Variants in COL5A1 observed in about 807,000 individuals in gnomAD.
COL5A1 encodes collagen type V alpha 1 chain.
Under a neutral mutation model 263.7 loss-of-function variants are expected in COL5A1, and 16 were observed. The ratio of observed to expected loss-of-function variants is 0.06; its 90% CI spans 0.04 to 0.09. The LOEUF (loss-of-function observed/expected upper bound fraction) is 0.09. COL5A1 is among the 10% of genes least tolerant of loss of function. The pLI is 1.00. For synonymous variants in COL5A1, 1,012 were observed against 1,004.5 expected (o/e 1.01, Z -0.14); for missense variants, 2,036 against 2,540.5 (o/e 0.80, Z 4.27).
At position 134,754,234 on chromosome 9, in the gene COL5A1, C is replaced by T. The variant is rs1013527785; in HGVS notation, c.1774-39C>T. The T allele has an allele frequency of 8.7e-6, 14 of 1,605,028 alleles. No individual in the cohort carries two copies. The highest frequency in any genetic ancestry group is 1.3e-5 in the African/African-American group (1 of 74,770). On this transcript the variant is annotated intron_variant, in intron 15 of 65. Transcript: ENST00000371817. This position sits in a 1 kb window ranked among gnomAD's most constrained non-coding sequence, Gnocchi z 4.3. The stretch of plus-strand genomic sequence containing the variant: ...GCTTTGCTCTTTCTCCTGAGAAAGG[C>T]GGACTCGCCACTGACCCTTTGTCTC...
intron 1 of COL5A1, among the ~76,000 whole-genome samples, chr9:134,690,118 T>TC (rs1489026653): frequency 2.6e-5 from 4 of 152,044 alleles, no homozygotes; most frequent in Admixed American, 2.6e-4. Flanking sequence ...GGTCAGCTTA[T>TC]CCCCTTGCCC....
At chr9:134,671,832 G>A (rs546881731) in intron 1 of COL5A1, among the ~76,000 whole-genome samples, 8 of 152,338 alleles carry the variant, frequency 5.3e-5, no homozygotes, top group East Asian at 3.9e-4. Flanking sequence ...TAATGAAACC[G>A]TAAAGGCAAG....
At chr9:134,767,719 A>G (rs182833107) in intron 24 of COL5A1, among the ~76,000 whole-genome samples, 4 of 152,336 alleles carry the variant, frequency 2.6e-5, no homozygotes, top group South Asian at 2.1e-4. Flanking sequence ...TAGTTTTGCT[A>G]AATTTGGCAA....
intron 4 of COL5A1, among the ~76,000 whole-genome samples, chr9:134,712,074 C>T (rs1435125692): frequency 7.4e-6 from 1 of 134,880 alleles, no homozygotes; most frequent in Non-Finnish European, 1.6e-5. Flanking sequence ...CTTCCTGTAC[C>T]CCTCCTTCCT....
At chr9:134,814,062 G>T in intron 49 of COL5A1, 26 bp downstream of exon 49, 1 of 1,549,814 alleles carries the variant, frequency 6.5e-7, no homozygotes, top group Non-Finnish European at 8.7e-7. Flanking sequence ...CTGCGGGAGG[G>T]GTGGGATATG....
chr9:134,674,152 A>G (rs961167297), intron 1 of COL5A1, among the ~76,000 whole-genome samples: 11 of 152,200 alleles, frequency 7.2e-5, no homozygotes, highest in African/African-American at 2.7e-4. Flanking sequence ...GGACAAAGTA[A>G]TTCCATGTAT....
chr9:134,670,043 CAT>C (rs1203332697), intron 1 of COL5A1, among the ~76,000 whole-genome samples: 1 of 152,228 alleles, frequency 6.6e-6, no homozygotes, highest in Non-Finnish European at 1.5e-5. Context: ...TGGTTGAACT[CAT>C]GTGCAGAAAC....
chr9:134,785,449 C>T (rs1478380275), intron 30 of COL5A1, among the ~76,000 whole-genome samples: 4 of 152,200 alleles, frequency 2.6e-5, no homozygotes, highest in African/African-American at 9.6e-5. Flanking sequence ...CCCACCATGG[C>T]CTGAAGGTGT....
rs1832724691 is a variant in COL5A1 at position 134,677,887 on chromosome 9, T to A, written c.110-13025T>A. 6.6e-6 allele frequency among the ~76,000 whole-genome samples: 1 copy of A among 152,208 alleles called. No individual in the cohort carries two copies. Among genetic ancestry groups the A allele is most frequent in the South Asian group, 2.1e-4 (1 of 4,832 alleles). ...ATGGCATGGTTCCACGGGAGGGGCA[T>A]CTTCTGCCTGGCCCTTGTTCCACCG... On this transcript the variant is annotated intron_variant, in intron 1 of 65. Transcript: ENST00000371817. This position sits in a 1 kb window ranked among gnomAD's most constrained non-coding sequence, Gnocchi z 4.4.
At chr9:134,753,790 CTTCCTGTG>C in intron 14 of COL5A1, 52 bp from the exon 15 acceptor site, 1 of 1,194,024 alleles carries the variant, frequency 8.4e-7, no homozygotes, top group Non-Finnish European at 1.2e-6. Flanking sequence ...ACCCCCAGCC[CTTCCTGTG>C]TTCTCGAGTC....
At chr9:134,774,132 T>C (rs1836966654) in intron 26 of COL5A1, among the ~76,000 whole-genome samples, 1 of 152,214 alleles carries the variant, frequency 6.6e-6, no homozygotes, top group African/African-American at 2.4e-5. Context: ...GGCATTCACT[T>C]ACTCCCTGGG....
chr9:134,689,186 C>T (rs533593247), intron 1 of COL5A1, among the ~76,000 whole-genome samples: 2 of 152,298 alleles, frequency 1.3e-5, no homozygotes, highest in South Asian at 4.1e-4. Context: ...GTGGCAGTGC[C>T]GAGGCTGCAG....
chr9:134,769,380 T>G (rs994574660), intron 25 of COL5A1, among the ~76,000 whole-genome samples: 1 of 152,242 alleles, frequency 6.6e-6, no homozygotes, highest in Non-Finnish European at 1.5e-5. Flanking sequence ...CGTGGTCACC[T>G]GGCCACATGG....
At chr9:134,648,365 C>G (rs1831547698) in intron 1 of COL5A1, among the ~76,000 whole-genome samples, 1 of 150,716 alleles carries the variant, frequency 6.6e-6, no homozygotes, top group Non-Finnish European at 1.5e-5. Flanking sequence ...CTAAGGGAAC[C>G]CTGACTAATA....
chr9:134,732,218 C>A, intron 9 of COL5A1, 91 bp downstream of exon 9: 1 of 1,369,240 alleles, frequency 7.3e-7, no homozygotes, highest in Non-Finnish European at 1.0e-6. Flanking sequence ...GGTCCGTGGG[C>A]CCCTGCACCT....
rs1285223113 is a variant in COL5A1, at chr9:134,794,966, A to G, written c.2701-116A>G. On this transcript the variant is annotated intron_variant, in intron 32 of 65. Transcript: ENST00000371817. This position sits in a 1 kb window ranked among gnomAD's most constrained non-coding sequence, Gnocchi z 4.3. ...GAAAAGGTGGGTGGCGGGGAGGCCC[A>G]GGTTCCTCCTATCCTGCTCTGAATT... 31 of 1,152,582 alleles carry G rather than the reference A, an allele frequency of 2.7e-5. No individual in the cohort carries two copies. The highest frequency in any genetic ancestry group is 1.3e-5 in the Non-Finnish European group (10 of 775,548). The allele number at this position is 1,152,582 out of a possible 1,614,324, so 71.4% of individuals were successfully genotyped here.
rs936839849 is a variant in COL5A1 at position 134,818,712 on chromosome 9, G to A, written c.4287G>A (p.Gly1429=). 3 of 1,611,056 alleles carry A rather than the reference G, an allele frequency of 1.9e-6. No homozygotes were observed. Among genetic ancestry groups the A allele is most frequent in the African/African-American group, 2.7e-5 (2 of 74,852 alleles). The part of the protein sequence containing the change: ...PGKTGPIGPQ[G]APGKPGPDGL... ...AGACTGGCCCCATCGGCCCCCAGGG[G>A]GCCCCTGGGAAGCCCGGACCGGATG... The change falls in exon 55 of 66, where the codon GGG becomes GGA. Residue 1429 remains glycine, a synonymous_variant. Coordinates refer to ENST00000371817, the MANE Select transcript of COL5A1 (RefSeq NM_000093.5). This position sits in a 1 kb window ranked among gnomAD's most constrained non-coding sequence, Gnocchi z 6.0.
chr9:134,816,693 TCCC>T (rs762746740), intron 52 of COL5A1, among the ~76,000 whole-genome samples: 1 of 152,142 alleles, frequency 6.6e-6, no homozygotes, highest in East Asian at 1.9e-4. Context: ...ACGATTCTTG[TCCC>T]CCCTTCTGTG....
At chr9:134,702,279 C>T (rs1205589198) in intron 4 of COL5A1, among the ~76,000 whole-genome samples, 1 of 152,226 alleles carries the variant, frequency 6.6e-6, no homozygotes, top group Non-Finnish European at 1.5e-5. Context: ...TGTTCGAAAG[C>T]CACTGGCTTA....
Sources: allele counts gnomAD v4.1 joint callset (sites outside exome capture counted in the v4.1 genomes callset), GRCh38; gene constraint gnomAD v4.1.1; non-coding constraint Gnocchi (gnomAD v3.1); transcripts MANE v1.5; gene names NCBI Gene and HGNC (gene_info 2026-07-23, HGNC 2026-07-21).